XRN1: variants seen among roughly 807,000 people sequenced by gnomAD.
XRN1 encodes 5'-3' exoribonuclease 1, also known as strand-exchange protein 1 homolog.
XRN1 carries 67 observed loss-of-function variants against 222.3 expected under a neutral mutation model. The observed-to-expected ratio is 0.30, with a 90% CI of 0.25 to 0.37. The LOEUF (loss-of-function observed/expected upper bound fraction) is 0.37. Ranked by LOEUF, XRN1 falls within the 10% of genes least tolerant of loss-of-function variation. The pLI, the probability that XRN1 is intolerant of heterozygous loss-of-function variation, is 1.00. For synonymous variants in XRN1, 643 were observed against 652.4 expected (o/e 0.99, Z 0.22); for missense variants, 1,707 against 2,000.2 (o/e 0.85, Z 2.80).
intron 1 of XRN1, among the ~76,000 whole-genome samples, chr3:142,433,517 C>A (rs894709654): frequency 6.6e-6 from 1 of 152,072 alleles, no homozygotes; most frequent in Admixed American, 6.6e-5. Flanking sequence ...TATAAGAAGA[C>A]CTTAATGGCT....
intron 35 of XRN1, 193 bp from the exon 36 acceptor site, chr3:142,332,727 C>T: frequency 1.4e-6 from 1 of 731,324 alleles, no homozygotes; most frequent in Non-Finnish European, 2.0e-6. Context: ...TACTTATCCT[C>T]CTGCTTAACT....
Position 142,318,636 on chromosome 3 carries a change from G to C in XRN1, c.4577C>G (p.Ala1526Gly), listed in dbSNP as rs1280633537. Residue 1526 changes from alanine to glycine, a missense_variant, in exon 39 of 41, where the codon GCT becomes GGT. By Grantham distance (60) the Ala-to-Gly change is moderately conservative. Transcript: ENST00000392981. ...PSQVFANYPS[A>G]VPPGTIPPAF... ...TGGAGGAATGGTTCCAGGTGGTACA[G>C]CTGAAGGATAATTTGCAAATACTTG... is the stretch of plus-strand genomic sequence containing the variant. 6.2e-7 allele frequency: 1 copy of C among 1,609,622 alleles called. No individual in the cohort carries two copies. The highest frequency in any genetic ancestry group is 1.1e-5 in the South Asian group (1 of 89,688).
At chr3:142,364,549 T>C (rs761585044) in intron 29 of XRN1, among the ~76,000 whole-genome samples, 14 of 152,224 alleles carry the variant, frequency 9.2e-5, no homozygotes, top group Non-Finnish European at 2.1e-4. Context: ...ATATGTAATT[T>C]AGTTGTATTC....
intron 29 of XRN1, among the ~76,000 whole-genome samples, chr3:142,361,382 C>T (rs1217443804): frequency 2.0e-5 from 3 of 152,188 alleles, no homozygotes; most frequent in Non-Finnish European, 4.4e-5. Flanking sequence ...GATTTAAGCC[C>T]TTATTTCTCT....
At chr3:142,392,873 A>G (rs1232125166) in intron 20 of XRN1, among the ~76,000 whole-genome samples, 3 of 151,076 alleles carry the variant, frequency 2.0e-5, no homozygotes, top group Non-Finnish European at 3.0e-5. Context: ...TGGTATTTCC[A>G]GTTCTAGATC....
chr3:142,374,378 C>A (rs573198739), intron 25 of XRN1, among the ~76,000 whole-genome samples: 11 of 152,050 alleles, frequency 7.2e-5, no homozygotes, highest in African/African-American at 2.7e-4. Context: ...ATCTGTCTGA[C>A]CATAGTGTAA....
At chr3:142,372,238 A>G (rs142542839) in intron 25 of XRN1, among the ~76,000 whole-genome samples, 1 of 152,338 alleles carries the variant, frequency 6.6e-6, no homozygotes, top group South Asian at 2.1e-4. Context: ...TGAGGAAGGC[A>G]TAAGGAGGAG....
At chr3:142,414,472 T>C (rs2068709135) in intron 13 of XRN1, 181 bp from the exon 14 acceptor site, 3 of 417,072 alleles carry the variant, frequency 7.2e-6, no homozygotes, top group Non-Finnish European at 1.2e-5. Flanking sequence ...GGTCATCCGA[T>C]GGCAACAAAT....
Position 142,375,845 on chromosome 3 carries a change from C to G in XRN1, c.2931G>C (p.Trp977Cys). The part of the protein sequence containing the change: ...PGYTKKVGSE[W>C]MYSSAAEQLL... ...GTTGTTCTGCTGCAGATGAATACAT[C>G]CATTCACTTCCAACTTTCTTAGTAT... Residue 977 changes from tryptophan to cysteine, a missense_variant, in exon 25 of 41, where the codon TGG (tryptophan) becomes TGC (cysteine). This residue lies in a region of XRN1 where 1,234 missense variants were observed against 1,518.2 expected (regional missense o/e 0.81). Transcript: ENST00000392981. The G allele has an allele frequency of 6.2e-7, 1 of 1,613,872 alleles. No individual in the cohort carries two copies. Among genetic ancestry groups the G allele is most frequent in the South Asian group, 1.1e-5 (1 of 91,072 alleles).
intron 37 of XRN1, 71 bp from the exon 38 acceptor site, chr3:142,318,974 T>G: frequency 8.4e-7 from 1 of 1,193,460 alleles, no homozygotes. Context: ...AAGTTTAGTC[T>G]AAACAAGTAA....
At chr3:142,380,433 A>C (rs1303553645) in intron 22 of XRN1, among the ~76,000 whole-genome samples, 1 of 151,906 alleles carries the variant, frequency 6.6e-6, no homozygotes, top group Non-Finnish European at 1.5e-5. Context: ...ATGGTTGTTA[A>C]TTTGTTTTTT....
chr3:142,372,971 A>C (rs957604947), intron 25 of XRN1, among the ~76,000 whole-genome samples: 15 of 152,328 alleles, frequency 9.8e-5, no homozygotes, highest in African/African-American at 3.6e-4. Flanking sequence ...CTAAATTTCC[A>C]ATCAGCTATT....
intron 35 of XRN1, 191 bp downstream of exon 35, chr3:142,332,776 G>A: frequency 1.2e-6 from 1 of 846,554 alleles, no homozygotes; most frequent in South Asian, 2.5e-5. Flanking sequence ...TGAAAAGCAG[G>A]GGAACTGTGG....
chr3:142,365,857 T>C (rs756216314), intron 27 of XRN1, among the ~76,000 whole-genome samples: 1 of 152,172 alleles, frequency 6.6e-6, no homozygotes, highest in East Asian at 1.9e-4. Context: ...AAGAATTACA[T>C]ACAATGGCCA....
At chr3:142,352,441 A>C (rs2107818095) in intron 32 of XRN1, among the ~76,000 whole-genome samples, 1 of 151,496 alleles carries the variant, frequency 6.6e-6, no homozygotes, top group East Asian at 1.9e-4. Flanking sequence ...TGTCACCTTA[A>C]TTTTTTTCTT....
At chr3:142,345,455 C>A (rs1167156191) in intron 33 of XRN1, among the ~76,000 whole-genome samples, 1 of 152,148 alleles carries the variant, frequency 6.6e-6, no homozygotes, top group Non-Finnish European at 1.5e-5. Context: ...TAGAAGAAAA[C>A]ACACTGTAAC....
intron 39 of XRN1, 85 bp from the exon 40 acceptor site, chr3:142,312,843 T>G: frequency 7.1e-7 from 1 of 1,412,522 alleles, no homozygotes; most frequent in Non-Finnish European, 9.6e-7. Flanking sequence ...TGCTAGCCTT[T>G]TTGGGCTTTT....
chr3:142,319,222 C>T (rs1326965542), intron 37 of XRN1, among the ~76,000 whole-genome samples: 2 of 152,174 alleles, frequency 1.3e-5, no homozygotes, highest in African/African-American at 2.4e-5. Flanking sequence ...CTTACTGGAA[C>T]ATGGCCACAT....
In XRN1 at chr3:142,312,593, C is replaced by T. The variant is rs1482139254; in HGVS notation, c.4782+5G>A. On this transcript the variant is annotated splice_donor_5th_base_variant and intron_variant, in intron 40 of 40. Coordinates refer to ENST00000392981, the MANE Select transcript of XRN1 (RefSeq NM_001282857.2). Reference sequence around the variant, plus strand: ...TAATTATCTTAAAAATATTATTTTTCTTACCTGCAGAGGTATAAACTGATT... The same window carrying T: ...TAATTATCTTAAAAATATTATTTTTTTTACCTGCAGAGGTATAAACTGATT... 1 of 1,534,388 alleles carries T rather than the reference C, an allele frequency of 6.5e-7. No individual in the cohort carries two copies. The highest frequency in any genetic ancestry group is 8.8e-7 in the Non-Finnish European group (1 of 1,140,072).
Sources: gnomAD v4.1 joint callset for allele counts (sites outside exome capture counted in the v4.1 genomes callset) on GRCh38, gnomAD v4.1.1 for gene constraint, gnomAD v4.1.1 regional missense constraint, MANE v1.5 for transcripts, NCBI Gene and HGNC (gene_info 2026-07-23, HGNC 2026-07-21) for gene names.